Variants in PTDSS1 observed in about 807,000 individuals in gnomAD.
The protein encoded by PTDSS1 is PSS-1.
Under a neutral mutation model 70.5 loss-of-function variants are expected in PTDSS1, and 45 were observed. That is an observed-to-expected ratio of 0.64 (90% CI 0.50 to 0.82). PTDSS1 has a LOEUF of 0.82. Ranked by LOEUF, PTDSS1 falls within the 40% of genes least tolerant of loss-of-function variation. The pLI, the probability that PTDSS1 is intolerant of heterozygous loss-of-function variation, is 0.00. For missense variants in PTDSS1, 417 were observed against 586.1 expected (o/e 0.71, Z 2.98); for synonymous variants, 188 against 203.8 (o/e 0.92, Z 0.66).
intron 6 of PTDSS1, among the ~76,000 whole-genome samples, chr8:96,302,754 G>GT (rs1811068384): frequency 6.6e-6 from 1 of 151,998 alleles, no homozygotes; most frequent in African/African-American, 2.4e-5. Flanking sequence ...GCTAATTTTT[G>GT]TATTTTTAGT....
chr8:96,278,695 G>C (rs912800728), intron 2 of PTDSS1, among the ~76,000 whole-genome samples: 2 of 152,110 alleles, frequency 1.3e-5, no homozygotes, highest in Non-Finnish European at 2.9e-5. Flanking sequence ...AAACCTATTT[G>C]AGTCTCCAGT....
At chr8:96,323,104 C>T (rs1431937042) in intron 10 of PTDSS1, among the ~76,000 whole-genome samples, 1 of 152,242 alleles carries the variant, frequency 6.6e-6, no homozygotes, top group African/African-American at 2.4e-5. Flanking sequence ...GAATAATCTC[C>T]TTTGACTTTA....
chr8:96,308,436 T>TG (rs1811159492), intron 8 of PTDSS1, among the ~76,000 whole-genome samples: 1 of 152,192 alleles, frequency 6.6e-6, no homozygotes, highest in Non-Finnish European at 1.5e-5. Context: ...TAATGCAAAG[T>TG]GTTATGCCTT....
At position 96,306,434 on chromosome 8, in the gene PTDSS1, T is replaced by C. The variant is rs1473230077; in HGVS notation, c.895-10T>C. The C allele has an allele frequency of 6.2e-7, 1 of 1,605,980 alleles. No homozygotes were observed. The highest frequency in any genetic ancestry group is 8.5e-7 in the Non-Finnish European group (1 of 1,172,738). On this transcript the variant is annotated splice_polypyrimidine_tract_variant and intron_variant, in intron 7 of 12. Transcript: ENST00000517309. ...GGTACCAGGTTGACTAATTTCTCCG[T>C]CTTTTTCAGCTGACTGAGTTGAATA... is the stretch of plus-strand genomic sequence containing the variant.
chr8:96,303,778 G>A (rs982261985), intron 6 of PTDSS1, among the ~76,000 whole-genome samples: 2 of 152,192 alleles, frequency 1.3e-5, no homozygotes, highest in Non-Finnish European at 2.9e-5. Flanking sequence ...AGTGTGTGCA[G>A]TTTTACGTGG....
intron 12 of PTDSS1, among the ~76,000 whole-genome samples, chr8:96,333,099 G>A (rs183449338): frequency 5.4e-4 from 82 of 152,330 alleles, no homozygotes; most frequent in Admixed American, 3.5e-3. Flanking sequence ...GGCAGGATGG[G>A]CACCGCGTGG....
intron 9 of PTDSS1, among the ~76,000 whole-genome samples, chr8:96,313,311 T>C (rs1164530518): frequency 6.6e-6 from 1 of 152,182 alleles, no homozygotes; most frequent in African/African-American, 2.4e-5. Context: ...AGCAAGGGAA[T>C]GGGATCCCTA....
rs137962591 is a variant in PTDSS1, at chr8:96,327,581, C to G, written c.1174-2632C>G. ...AAGTTACACCATGCCTTCTGCCCCA[C>G]TCAGAAAAGCAAAGCCCCTAATTAC... On this transcript the variant is annotated intron_variant, in intron 10 of 12. Coordinates refer to ENST00000517309, the MANE Select transcript of PTDSS1 (RefSeq NM_014754.3). Among the ~76,000 whole-genome samples, 140 of 152,340 alleles carry G rather than the reference C, an allele frequency of 9.2e-4. 2 individuals carry two copies. Among genetic ancestry groups the G allele is most frequent in the African/African-American group, 3.1e-3 (128 of 41,560 alleles).
chr8:96,276,626 C>G (rs1810645018), intron 2 of PTDSS1, among the ~76,000 whole-genome samples: 1 of 152,210 alleles, frequency 6.6e-6, no homozygotes, highest in African/African-American at 2.4e-5. Flanking sequence ...CATTTCCCTT[C>G]CGCGGTGCTG....
In PTDSS1 at chr8:96,285,908, G is replaced by A. The variant is rs542334014; in HGVS notation, c.317-1114G>A. Among the ~76,000 whole-genome samples the A allele has an allele frequency of 3.9e-5, 6 of 152,234 alleles. No homozygotes were observed. The East Asian group carries it at 9.7e-4, about 25-fold the overall frequency. Reference sequence around the variant, plus strand: ...GGTGAAAATTGGTAAAAAATGGGTGGTGCATAAGTGCAAACTGAAGGCAAT... The same window carrying A: ...GGTGAAAATTGGTAAAAAATGGGTGATGCATAAGTGCAAACTGAAGGCAAT... On this transcript the variant is annotated intron_variant, in intron 3 of 12. Coordinates refer to ENST00000517309, the MANE Select transcript of PTDSS1 (RefSeq NM_014754.3).
At chr8:96,322,554 G>A (rs901559575) in intron 10 of PTDSS1, among the ~76,000 whole-genome samples, 8 of 152,070 alleles carry the variant, frequency 5.3e-5, no homozygotes, top group Non-Finnish European at 1.2e-4. Flanking sequence ...TTTATGGGGT[G>A]CACTCCTCAT....
chr8:96,304,217 C>T (rs1222143873), intron 7 of PTDSS1, 36 bp downstream of exon 7: 3 of 1,576,042 alleles, frequency 1.9e-6, no homozygotes, highest in Non-Finnish European at 2.6e-6. Flanking sequence ...GGGAGGAAAA[C>T]AAAAACTAAA....
chr8:96,303,900 GAC>G (rs1811084628), intron 6 of PTDSS1, 138 bp from the exon 7 acceptor site: 2 of 949,734 alleles, frequency 2.1e-6, no homozygotes, highest in Non-Finnish European at 3.1e-6. Context: ...AGACCTTTGA[GAC>G]ACAATTCAAA....
At chr8:96,265,085 G>C (rs915239426) in intron 1 of PTDSS1, among the ~76,000 whole-genome samples, 3 of 152,116 alleles carry the variant, frequency 2.0e-5, no homozygotes, top group Non-Finnish European at 4.4e-5. Flanking sequence ...GGAAAGTAAC[G>C]ACTTCTTAAA....
chr8:96,292,467 G>A (rs1467516934), intron 4 of PTDSS1, among the ~76,000 whole-genome samples: 2 of 152,104 alleles, frequency 1.3e-5, no homozygotes, highest in Non-Finnish European at 2.9e-5. Context: ...CTGATTGGGG[G>A]TGTGGGGAGC....
At chr8:96,314,722 G>A (rs1811260851) in intron 9 of PTDSS1, among the ~76,000 whole-genome samples, 1 of 152,146 alleles carries the variant, frequency 6.6e-6, no homozygotes, top group Admixed American at 6.5e-5. Flanking sequence ...TCAGCGTCCT[G>A]AGTAGCTGGG....
intron 12 of PTDSS1, 104 bp downstream of exon 12, chr8:96,331,199 G>A (rs1365177880): frequency 1.8e-6 from 2 of 1,094,192 alleles, no homozygotes; most frequent in Non-Finnish European, 1.4e-6. Flanking sequence ...AAGGGTCTCA[G>A]GCCTACCCAT....
chr8:96,263,281 A>C (rs574557532), intron 1 of PTDSS1, among the ~76,000 whole-genome samples: 1 of 152,320 alleles, frequency 6.6e-6, no homozygotes, highest in African/African-American at 2.4e-5. Flanking sequence ...AAGGAGGTAC[A>C]CACCGTGGTT....
intron 8 of PTDSS1, chr8:96,309,349 C>G: frequency 2.2e-6 from 1 of 457,410 alleles, no homozygotes; most frequent in Non-Finnish European, 3.9e-6. Context: ...AAATGATGCT[C>G]CCCTGCCTCC....
Sources: gnomAD v4.1 joint callset for allele counts (sites outside exome capture counted in the v4.1 genomes callset) on GRCh38, gnomAD v4.1.1 for gene constraint, MANE v1.5 for transcripts, NCBI Gene and HGNC (gene_info 2026-07-23, HGNC 2026-07-21) for gene names.